DNM3: variants seen among roughly 807,000 people sequenced by gnomAD.
DNM3 encodes the protein dynamin 3, also known as dynamin-3.
A neutral mutation model predicts 101.6 loss-of-function variants in DNM3; 47 were observed. The observed-to-expected ratio is 0.46, with a 90% CI of 0.37 to 0.59. The LOEUF (loss-of-function observed/expected upper bound fraction) is 0.59, where lower values mean the gene tolerates loss of function less well. Ranked by LOEUF, DNM3 falls within the 20% of genes least tolerant of loss-of-function variation. The pLI, the probability that DNM3 is intolerant of heterozygous loss-of-function variation, is 0.00. For missense variants in DNM3, 849 were observed against 1,085.7 expected, an observed-to-expected ratio of 0.78 and a Z score of 3.06; for synonymous variants, 385 against 387.9, an observed-to-expected ratio of 0.99 and a Z score of 0.09.
intron 17 of DNM3, among the ~76,000 whole-genome samples, chr1:172,377,865 C>A (rs2068693631): frequency 6.6e-6 from 1 of 151,796 alleles, no homozygotes; most frequent in Non-Finnish European, 1.5e-5. Context: ...CCAATTCTAT[C>A]AATATTGTTG....
downstream of DNM3, among the ~76,000 whole-genome samples, chr1:172,417,134 G>A (rs1478461963): frequency 6.6e-6 from 1 of 151,972 alleles, no homozygotes; most frequent in Non-Finnish European, 1.5e-5. Context: ...AGAATAAGAT[G>A]TGTAACAAGA....
intron 15 of DNM3, among the ~76,000 whole-genome samples, chr1:172,273,358 C>T (rs2063156480): frequency 6.6e-6 from 1 of 151,892 alleles, no homozygotes; most frequent in Admixed American, 6.6e-5. Flanking sequence ...AATACATTTT[C>T]TTTTATTTTA....
intron 1 of DNM3, among the ~76,000 whole-genome samples, chr1:171,861,839 A>G (rs1278908266): frequency 6.6e-6 from 1 of 152,192 alleles, no homozygotes; most frequent in African/African-American, 2.4e-5. Context: ...CAAATTATAT[A>G]TGTGATAGGG....
intron 4 of DNM3, among the ~76,000 whole-genome samples, chr1:172,027,244 C>G (rs1332182601): frequency 6.6e-6 from 1 of 152,040 alleles, no homozygotes; most frequent in African/African-American, 2.4e-5. Context: ...TCACACATAA[C>G]AATATTAACC....
chr1:171,963,768 GTA>G (rs138942214), intron 2 of DNM3, among the ~76,000 whole-genome samples: 1 of 148,026 alleles, frequency 6.8e-6, no homozygotes, highest in Non-Finnish European at 1.5e-5. Flanking sequence ...TATAGATAAC[GTA>G]TATATATATA....
chr1:172,048,560 A>C, intron 9 of DNM3, 52 bp from the exon 10 acceptor site: 1 of 1,545,090 alleles, frequency 6.5e-7, no homozygotes, highest in Non-Finnish European at 8.7e-7. Context: ...AAGATTTTTG[A>C]ATATTACTCA....
At chr1:171,903,110 G>A (rs979237377) in intron 1 of DNM3, among the ~76,000 whole-genome samples, 3 of 151,928 alleles carry the variant, frequency 2.0e-5, no homozygotes, top group Admixed American at 6.6e-5. Context: ...AGCTGAGATC[G>A]TGCCACTATA....
chr1:171,926,385 TTTG>T (rs1250699491), intron 2 of DNM3, among the ~76,000 whole-genome samples: 4 of 152,330 alleles, frequency 2.6e-5, no homozygotes, highest in African/African-American at 9.6e-5. Context: ...TTTGATCCAT[TTTG>T]AGTTAATAAT....
intron 4 of DNM3, among the ~76,000 whole-genome samples, chr1:172,019,022 TCCCTCCCTTCC>T (rs2047646471): frequency 1.6e-5 from 1 of 61,506 alleles, no homozygotes; most frequent in Non-Finnish European, 2.8e-5. Context: ...CCTCCCTTCC[TCCCTCCCTTCC>T]TCCCTCCCTT....
intron 15 of DNM3, among the ~76,000 whole-genome samples, chr1:172,300,122 T>G (rs939879291): frequency 6.6e-6 from 1 of 152,342 alleles, no homozygotes; most frequent in Admixed American, 6.5e-5. Context: ...TTGATTTGCA[T>G]TACTCTGATG....
intron 15 of DNM3, among the ~76,000 whole-genome samples, chr1:172,285,007 G>A (rs1267045754): frequency 6.6e-6 from 1 of 152,142 alleles, no homozygotes; most frequent in African/African-American, 2.4e-5. Context: ...AATTTACCAG[G>A]TGGTGAAGCA....
chr1:172,118,225 G>T (rs1323400031), intron 13 of DNM3, among the ~76,000 whole-genome samples: 1 of 152,132 alleles, frequency 6.6e-6, no homozygotes, highest in Non-Finnish European at 1.5e-5. Flanking sequence ...ATGGTAGTGG[G>T]TTCTCTATGA....
At chr1:171,946,982 C>G (rs1028105189) in intron 2 of DNM3, among the ~76,000 whole-genome samples, 1 of 152,170 alleles carries the variant, frequency 6.6e-6, no homozygotes, top group African/African-American at 2.4e-5. Flanking sequence ...TCCCATTAGG[C>G]CCCACCTCCA....
At chr1:172,292,587 GAGAAT>G (rs1374926886) in intron 15 of DNM3, among the ~76,000 whole-genome samples, 1 of 137,438 alleles carries the variant, frequency 7.3e-6, no homozygotes. Context: ...GGTTGGCTTA[GAGAAT>G]AGAAGACTTC....
At chr1:172,214,653 T>C (rs1165715107) in intron 14 of DNM3, among the ~76,000 whole-genome samples, 1 of 152,098 alleles carries the variant, frequency 6.6e-6, no homozygotes. Context: ...ATACTATAGT[T>C]AATATCCTGC....
intron 16 of DNM3, among the ~76,000 whole-genome samples, chr1:172,316,512 C>T (rs937899845): frequency 2.0e-5 from 3 of 152,046 alleles, no homozygotes; most frequent in Non-Finnish European, 4.4e-5. Flanking sequence ...TGCAGAGACA[C>T]ACATAGGCTC....
At chr1:172,361,416 C>T (rs1248321177) in intron 17 of DNM3, among the ~76,000 whole-genome samples, 1 of 151,920 alleles carries the variant, frequency 6.6e-6, no homozygotes, top group Non-Finnish European at 1.5e-5. Flanking sequence ...AATTTTCAGG[C>T]CTGAGACCAT....
intron 18 of DNM3, among the ~76,000 whole-genome samples, chr1:172,384,221 T>C (rs935266674): frequency 7.9e-5 from 12 of 152,144 alleles, no homozygotes; most frequent in Non-Finnish European, 1.5e-4. Flanking sequence ...AAATTTTGCT[T>C]AAATGCAAAA....
At chr1:172,006,441 A>G (rs546114285) in intron 4 of DNM3, among the ~76,000 whole-genome samples, 1 of 152,156 alleles carries the variant, frequency 6.6e-6, no homozygotes, top group South Asian at 2.1e-4. Context: ...TAAGACTCAG[A>G]GGCTTTTTCA....
Sources: allele counts gnomAD v4.1 joint callset (sites outside exome capture counted in the v4.1 genomes callset), GRCh38; gene constraint gnomAD v4.1.1; transcripts MANE v1.5; gene names NCBI Gene and HGNC (gene_info 2026-07-23, HGNC 2026-07-21).